The following NRG3 variants were observed in gnomAD, a reference collection of about 807,000 sequenced individuals.
NRG3 encodes neuregulin 3.
Under a neutral mutation model 66.9 loss-of-function variants are expected in NRG3, and 31 were observed. That is an observed-to-expected ratio of 0.46 (90% CI 0.35 to 0.63). The LOEUF (loss-of-function observed/expected upper bound fraction) is 0.63, where lower values mean the gene tolerates loss of function less well. NRG3 is among the 20% of genes least tolerant of loss of function. NRG3 has a pLI of 0.00. For missense variants in NRG3, 910 were observed against 878.9 expected (o/e 1.04, Z -0.45); for synonymous variants, 393 against 359.4 (o/e 1.09, Z -1.06).
chr10:82,766,090 A>C (rs1029792750), intron 3 of NRG3, among the ~76,000 whole-genome samples: 2 of 152,188 alleles, frequency 1.3e-5, no homozygotes, highest in African/African-American at 4.8e-5. Flanking sequence ...GGTTGCTCTG[A>C]AATTAATCCC....
chr10:82,702,532 C>G (rs540742474), intron 2 of NRG3, among the ~76,000 whole-genome samples: 1 of 152,218 alleles, frequency 6.6e-6, no homozygotes, highest in African/African-American at 2.4e-5. Context: ...TACTATGTAA[C>G]TGAGAAACAA....
chr10:82,188,815 G>A (rs1271043460), intron 1 of NRG3, among the ~76,000 whole-genome samples: 3 of 152,012 alleles, frequency 2.0e-5, no homozygotes, highest in Non-Finnish European at 4.4e-5. Flanking sequence ...GGTGAGGGTG[G>A]TTAATGGGTA....
chr10:82,176,880 G>GACACACAC (rs142443398), intron 1 of NRG3, among the ~76,000 whole-genome samples: 16,354 of 146,096 alleles, frequency 0.11, 966 homozygotes, highest in South Asian at 0.17. Context: ...TTTAAAACAA[G>GACACACAC]ACACACACAC....
At chr10:82,871,680 T>C (rs1194921839) in intron 4 of NRG3, among the ~76,000 whole-genome samples, 1 of 152,150 alleles carries the variant, frequency 6.6e-6, no homozygotes, top group East Asian at 1.9e-4. Context: ...GGGATGCTAA[T>C]GTAAATGCTA....
intron 1 of NRG3, among the ~76,000 whole-genome samples, chr10:82,283,377 T>G (rs2079229213): frequency 6.6e-6 from 1 of 152,214 alleles, no homozygotes; most frequent in African/African-American, 2.4e-5. Context: ...GTGATCATAT[T>G]CACATATGAT....
chr10:82,396,174 C>G (rs1462461576), intron 2 of NRG3, among the ~76,000 whole-genome samples: 2 of 152,038 alleles, frequency 1.3e-5, no homozygotes, highest in Admixed American at 6.6e-5. Flanking sequence ...TGAAATATCC[C>G]CAAGAGTTTT....
chr10:82,104,864 G>T (rs978553031), intron 1 of NRG3, among the ~76,000 whole-genome samples: 6 of 152,120 alleles, frequency 3.9e-5, no homozygotes, highest in Non-Finnish European at 8.8e-5. Flanking sequence ...AAGCTTTATA[G>T]TGTTGATTAT....
intron 1 of NRG3, among the ~76,000 whole-genome samples, chr10:81,921,817 CCAATA>C (rs1241221753): frequency 2.0e-5 from 3 of 151,992 alleles, no homozygotes; most frequent in Admixed American, 6.5e-5. Flanking sequence ...TGTTGGAACT[CCAATA>C]CAATTTCTAG....
At chr10:82,424,766 T>C (rs1030653777) in intron 2 of NRG3, among the ~76,000 whole-genome samples, 3 of 152,018 alleles carry the variant, frequency 2.0e-5, no homozygotes, top group African/African-American at 7.2e-5. Context: ...ATTTTTATAG[T>C]TTTAGCTCTT....
intron 7 of NRG3, among the ~76,000 whole-genome samples, chr10:82,977,687 A>T (rs1478985495): frequency 1.3e-5 from 2 of 151,994 alleles, no homozygotes; most frequent in Non-Finnish European, 2.9e-5. Context: ...CACATTTAGG[A>T]AGTTAATGTT....
At chr10:82,716,334 G>A (rs543803157) in intron 2 of NRG3, among the ~76,000 whole-genome samples, 10 of 152,144 alleles carry the variant, frequency 6.6e-5, no homozygotes, top group Admixed American at 3.3e-4. Context: ...ACACTTCCCC[G>A]TGAACCTAGT....
intron 4 of NRG3, among the ~76,000 whole-genome samples, chr10:82,918,004 ATCTC>A (rs763741112): frequency 1.5e-5 from 2 of 134,670 alleles, no homozygotes; most frequent in Non-Finnish European, 3.2e-5. Flanking sequence ...GTATGTATGT[ATCTC>A]TCTCTATATA....
chr10:82,645,177 A>G (rs1005519959), intron 2 of NRG3, among the ~76,000 whole-genome samples: 4 of 152,172 alleles, frequency 2.6e-5, no homozygotes, highest in Non-Finnish European at 4.4e-5. Context: ...ATATGATACC[A>G]GATACCCTTG....
intron 4 of NRG3, among the ~76,000 whole-genome samples, chr10:82,934,325 G>A (rs911851491): frequency 7.9e-6 from 1 of 125,818 alleles, no homozygotes; most frequent in African/African-American, 3.4e-5. Context: ...TGTCTACATA[G>A]ACACAGTAGA....
chr10:82,003,126 C>CAT (rs2061238240), intron 1 of NRG3, among the ~76,000 whole-genome samples: 1 of 151,974 alleles, frequency 6.6e-6, no homozygotes, highest in Non-Finnish European at 1.5e-5. Context: ...TGATTAATTG[C>CAT]ATGTGCAAGG....
intron 2 of NRG3, among the ~76,000 whole-genome samples, chr10:82,503,390 A>G (rs934556331): frequency 2.6e-5 from 4 of 152,220 alleles, no homozygotes; most frequent in Admixed American, 6.5e-5. Context: ...CTTTGGTAGT[A>G]GAAAGTAGGG....
chr10:82,475,007 T>G (rs1424335120), intron 2 of NRG3, among the ~76,000 whole-genome samples: 1 of 150,712 alleles, frequency 6.6e-6, no homozygotes, highest in Non-Finnish European at 1.5e-5. Context: ...GAAAAAAAAC[T>G]TATCAACCAA....
chr10:82,686,190 A>C (rs12768575), intron 2 of NRG3, among the ~76,000 whole-genome samples: 1 of 130,900 alleles, frequency 7.6e-6, no homozygotes, highest in Admixed American at 7.7e-5. Flanking sequence ...TTTTTTTTTT[A>C]TTTTTTATTT....
At chr10:82,365,853 T>G (rs1220031470) in intron 2 of NRG3, among the ~76,000 whole-genome samples, 1 of 152,186 alleles carries the variant, frequency 6.6e-6, no homozygotes. Flanking sequence ...TGATTGGAAT[T>G]TAGTTATTAG....
Sources: gnomAD v4.1 joint callset for allele counts (sites outside exome capture counted in the v4.1 genomes callset) on GRCh38, gnomAD v4.1.1 for gene constraint, MANE v1.5 for transcripts, NCBI Gene and HGNC (gene_info 2026-07-23, HGNC 2026-07-21) for gene names.